Variants in CLTCL1 observed in about 807,000 individuals in gnomAD.
CLTCL1 encodes the protein clathrin heavy chain like 1.
Under a neutral mutation model 190.0 loss-of-function variants are expected in CLTCL1, and 159 were observed. The ratio of observed to expected loss-of-function variants is 0.84; its 90% CI spans 0.74 to 0.95. CLTCL1 has a LOEUF of 0.95. CLTCL1 is among the 40% of genes least tolerant of loss of function. The probability of loss-of-function intolerance (pLI) is 0.00; values close to 1 mark genes in which losing one functional copy is unlikely to be tolerated. For missense variants in CLTCL1, 1,878 were observed against 2,033.4 expected, an observed-to-expected ratio of 0.92 and a Z score of 1.47; for synonymous variants, 752 against 769.6, an observed-to-expected ratio of 0.98 and a Z score of 0.38.
chr22:19,238,910 G>A (rs782667049), intron 5 of CLTCL1, among the ~76,000 whole-genome samples: 3 of 152,108 alleles, frequency 2.0e-5, no homozygotes, highest in Non-Finnish European at 4.4e-5. Context: ...AGGTATACAC[G>A]TGCCCTGGTG....
chr22:19,186,533 G>A (rs1555928402), intron 29 of CLTCL1, among the ~76,000 whole-genome samples: 2 of 152,118 alleles, frequency 1.3e-5, no homozygotes, highest in Non-Finnish European at 2.9e-5. Context: ...TAAAGTAGCT[G>A]GGACTACAGG....
chr22:19,188,204 G>A, intron 27 of CLTCL1, 113 bp from the exon 28 acceptor site: 1 of 903,330 alleles, frequency 1.1e-6, no homozygotes. Flanking sequence ...CAGCTCTGGA[G>A]CCAAGGGCAC....
chr22:19,180,090 C>A, intron 32 of CLTCL1, 109 bp downstream of exon 32: 1 of 972,968 alleles, frequency 1.0e-6, no homozygotes, highest in Non-Finnish European at 1.6e-6. Flanking sequence ...CCTTACCACC[C>A]AGACGCTGAG....
intron 2 of CLTCL1, chr22:19,257,856 A>C: frequency 7.1e-7 from 1 of 1,412,498 alleles, no homozygotes; most frequent in Non-Finnish European, 9.4e-7. Flanking sequence ...GGAGAGCAAA[A>C]ACCGGGAGCA....
At position 19,233,276 on chromosome 22, in the gene CLTCL1, C is replaced by G; in HGVS notation, c.1411G>C (p.Asp471His). The part of the protein sequence containing the change: ...EELGDLVKTT[D>H]PMLALSVYLR... ...TACACACTCAGAGCGAGCATGGGGT[C>G]AGTGGTTTTGACCAAGTCTCCGAGC... Residue 471 changes from aspartate to histidine, a missense_variant, in exon 9 of 33, where the codon GAC (aspartate) becomes CAC (histidine). Physicochemically the swap from Asp to His is moderately conservative, Grantham distance 81. Coordinates refer to ENST00000427926, the MANE Select transcript of CLTCL1 (RefSeq NM_007098.4). The G allele has an allele frequency of 2.5e-6, 4 of 1,613,866 alleles. No homozygotes were observed. Among genetic ancestry groups the G allele is most frequent in the Non-Finnish European group, 3.4e-6 (4 of 1,179,748 alleles).
rs782625613 is a variant in CLTCL1 at position 19,188,083 on chromosome 22, C to T, written c.4332G>A (p.Gln1444=). The change falls in exon 28 of 33, where the codon CAG becomes CAA. Residue 1444 remains glutamine (Q), a synonymous_variant. Coordinates refer to ENST00000427926, the MANE Select transcript of CLTCL1 (RefSeq NM_007098.4). ...WTVSFFSKAG[Q]LPLVKPYLRS... is the part of the protein sequence containing the mutation. ...GCAGGTAAGGCTTCACCAGGGGCAG[C>T]TGACCTGCCTGACAAGTTGAGGGAA... 31 of 1,613,892 alleles carry T rather than the reference C, an allele frequency of 1.9e-5. No individual in the cohort carries two copies. The highest frequency in any genetic ancestry group is 2.6e-5 in the Non-Finnish European group (31 of 1,179,858).
In CLTCL1 at chr22:19,197,566, C is replaced by T. The variant is rs1210228959; in HGVS notation, c.3874-910G>A. 1.7e-4 allele frequency among the ~76,000 whole-genome samples: 26 copies of T among 152,180 alleles called. 1 individual carries two copies. The highest frequency in any genetic ancestry group is 1.6e-3 in the Admixed American group (25 of 15,276). Reference sequence around the variant, plus strand: ...CTAAACACCCTCTTGACCCGATGTCCCTGCTAGCTACCTCCCATTTTTTCT... The same window carrying T: ...CTAAACACCCTCTTGACCCGATGTCTCTGCTAGCTACCTCCCATTTTTTCT... On this transcript the variant is annotated intron_variant, in intron 24 of 32. Transcript: ENST00000427926.
intron 23 of CLTCL1, among the ~76,000 whole-genome samples, chr22:19,200,278 T>A (rs999757953): frequency 6.6e-6 from 1 of 152,220 alleles, no homozygotes; most frequent in African/African-American, 2.4e-5. Context: ...GTATACTTAA[T>A]GATAACAAGC....
intron 22 of CLTCL1, among the ~76,000 whole-genome samples, chr22:19,203,568 C>T (rs1266277059): frequency 6.6e-6 from 1 of 152,160 alleles, no homozygotes; most frequent in Non-Finnish European, 1.5e-5. Context: ...CTGCTTTTCT[C>T]CCACCCCGCT....
chr22:19,214,743 C>G (rs1272307572), intron 19 of CLTCL1, among the ~76,000 whole-genome samples: 1 of 149,188 alleles, frequency 6.7e-6, no homozygotes, highest in Non-Finnish European at 1.5e-5. Flanking sequence ...TATAGTGGTG[C>G]CATCTCGGCT....
In CLTCL1 at chr22:19,251,276, G is replaced by A. The variant is rs548726030; in HGVS notation, c.519+2683C>T. The stretch of plus-strand genomic sequence containing the variant: ...TCCTGATTTCATTTTTGGATTGTTC[G>A]TTGCAAATGTTTAGGAACACAATTG... On this transcript the variant is annotated intron_variant, in intron 3 of 32. Coordinates refer to ENST00000427926, the MANE Select transcript of CLTCL1 (RefSeq NM_007098.4). Among the ~76,000 whole-genome samples the A allele has an allele frequency of 5.3e-5, 8 of 151,968 alleles. No individual in the cohort carries two copies. In the East Asian group the frequency reaches 7.7e-4, roughly 15 times the overall value.
intron 2 of CLTCL1, among the ~76,000 whole-genome samples, chr22:19,259,744 T>G (rs2086883782): frequency 6.6e-6 from 1 of 152,150 alleles, no homozygotes. Flanking sequence ...ACAACAATAT[T>G]GAAATTAGGC....
intron 26 of CLTCL1, among the ~76,000 whole-genome samples, chr22:19,195,826 A>G (rs1268999601): frequency 6.6e-6 from 1 of 152,082 alleles, no homozygotes; most frequent in Non-Finnish European, 1.5e-5. Flanking sequence ...CCAGACAGGT[A>G]AGGCCGCTGG....
At chr22:19,212,415 C>A (rs1037636667) in intron 19 of CLTCL1, among the ~76,000 whole-genome samples, 73 of 129,048 alleles carry the variant, frequency 5.7e-4, no homozygotes, top group Non-Finnish European at 9.2e-4. Flanking sequence ...AAAAAAAAAA[C>A]AACTAGCCAG....
intron 27 of CLTCL1, 59 bp downstream of exon 27, chr22:19,191,245 G>C: frequency 6.2e-7 from 1 of 1,600,286 alleles, no homozygotes; most frequent in South Asian, 1.1e-5. Context: ...CTATCATTCA[G>C]ATGACTTTGT....
At chr22:19,240,428 C>T (rs2086217599) in intron 4 of CLTCL1, among the ~76,000 whole-genome samples, 1 of 151,844 alleles carries the variant, frequency 6.6e-6, no homozygotes, top group Non-Finnish European at 1.5e-5. Context: ...TGGGTTTGGC[C>T]GGGCAGAGAG....
chr22:19,217,339 G>A (rs1481480527), intron 18 of CLTCL1, among the ~76,000 whole-genome samples: 1 of 152,122 alleles, frequency 6.6e-6, no homozygotes, highest in Admixed American at 6.6e-5. Context: ...CTTGGAGGCC[G>A]GCCGCGGTGG....
intron 22 of CLTCL1, among the ~76,000 whole-genome samples, chr22:19,202,117 C>T (rs2084905654): frequency 6.6e-6 from 1 of 152,046 alleles, no homozygotes; most frequent in East Asian, 1.9e-4. Context: ...GACTGAATTC[C>T]TGCAGCCCTG....
At chr22:19,252,805 G>A (rs181964762) in intron 3 of CLTCL1, among the ~76,000 whole-genome samples, 2 of 152,162 alleles carry the variant, frequency 1.3e-5, no homozygotes, top group African/African-American at 4.8e-5. Flanking sequence ...ACGAGGTCAG[G>A]AGATCAAGGC....
Sources: gnomAD v4.1 joint callset for allele counts (sites outside exome capture counted in the v4.1 genomes callset) on GRCh38, gnomAD v4.1.1 for gene constraint, MANE v1.5 for transcripts, NCBI Gene and HGNC (gene_info 2026-07-23, HGNC 2026-07-21) for gene names.